The following CDK15 variants were observed in gnomAD, a reference collection of about 807,000 sequenced individuals.
The protein encoded by CDK15 is cyclin dependent kinase 15.
Under a neutral mutation model 60.3 loss-of-function variants are expected in CDK15, and 62 were observed. The ratio of observed to expected loss-of-function variants is 1.03; its 90% CI spans 0.84 to 1.27. The LOEUF (loss-of-function observed/expected upper bound fraction) is 1.27. Ranked by LOEUF, CDK15 falls within the 50% of genes most tolerant of loss-of-function variation. The pLI, the probability that CDK15 is intolerant of heterozygous loss-of-function variation, is 0.00. For synonymous variants in CDK15, 194 were observed against 195.7 expected, an observed-to-expected ratio of 0.99 and a Z score of 0.07; for missense variants, 541 against 527.8, an observed-to-expected ratio of 1.03 and a Z score of -0.25.
At chr2:201,877,333 G>A (rs1699114216) in intron 11 of CDK15, among the ~76,000 whole-genome samples, 1 of 152,174 alleles carries the variant, frequency 6.6e-6, no homozygotes, top group Non-Finnish European at 1.5e-5. Context: ...TAATGCTGGG[G>A]GAGTATTCGA....
At chr2:201,861,445 G>T (rs1698386841) in intron 10 of CDK15, 3 of 984,646 alleles carry the variant, frequency 3.0e-6, no homozygotes, top group Admixed American at 6.2e-5. Context: ...GTCTCATTTT[G>T]CAGGATGAGT....
At chr2:201,813,181 G>A (rs1455168420) in intron 4 of CDK15, among the ~76,000 whole-genome samples, 2 of 152,140 alleles carry the variant, frequency 1.3e-5, no homozygotes, top group East Asian at 3.8e-4. Context: ...GAGTTGTTAT[G>A]AGTATTCAAC....
At chr2:201,818,016 A>G (rs774470851) in intron 4 of CDK15, among the ~76,000 whole-genome samples, 24 of 152,250 alleles carry the variant, frequency 1.6e-4, no homozygotes, top group Non-Finnish European at 2.4e-4. Flanking sequence ...AACAGGGTCT[A>G]GAAACACTTT....
intron 11 of CDK15, 111 bp downstream of exon 11, chr2:201,872,437 G>A: frequency 1.7e-6 from 2 of 1,151,058 alleles, no homozygotes; most frequent in Non-Finnish European, 2.6e-6. Context: ...TTCCATGTGG[G>A]GGCTCTAAGC....
intron 1 of CDK15, among the ~76,000 whole-genome samples, chr2:201,807,281 A>T (rs1161685505): frequency 6.6e-6 from 1 of 152,168 alleles, no homozygotes; most frequent in Non-Finnish European, 1.5e-5. Context: ...TTAAAGACAC[A>T]TTTTTAGGTG....
intron 8 of CDK15, among the ~76,000 whole-genome samples, chr2:201,844,370 T>C (rs1351621179): frequency 6.6e-6 from 1 of 152,198 alleles, no homozygotes; most frequent in African/African-American, 2.4e-5. Flanking sequence ...GGCTTATCTC[T>C]TAGTGGACCA....
chr2:201,816,706 A>G (rs1205546359), intron 4 of CDK15, among the ~76,000 whole-genome samples: 3 of 151,972 alleles, frequency 2.0e-5, no homozygotes, highest in African/African-American at 7.3e-5. Context: ...TTTTTGAGGC[A>G]GGAGATGGGA....
intron 9 of CDK15, among the ~76,000 whole-genome samples, chr2:201,851,378 G>A (rs1294083629): frequency 6.6e-6 from 1 of 151,456 alleles, no homozygotes; most frequent in African/African-American, 2.4e-5. Flanking sequence ...AGGCACTGTA[G>A]GCTGTTGTCC....
intron 3 of CDK15, among the ~76,000 whole-genome samples, chr2:201,811,150 T>C (rs1295555760): frequency 1.5e-5 from 1 of 68,738 alleles, no homozygotes; most frequent in Non-Finnish European, 3.1e-5. Context: ...GCTGAGGGTA[T>C]GCACTTTTTT....
intron 4 of CDK15, among the ~76,000 whole-genome samples, chr2:201,815,423 G>A (rs1695947994): frequency 6.6e-6 from 1 of 152,102 alleles, no homozygotes; most frequent in East Asian, 1.9e-4. Flanking sequence ...CTGCCGAACT[G>A]CTAGATACAC....
At chr2:201,872,417 C>A in intron 11 of CDK15, 91 bp downstream of exon 11, 1 of 1,370,574 alleles carries the variant, frequency 7.3e-7, no homozygotes, top group Non-Finnish European at 1.0e-6. Flanking sequence ...GAACAGCAGC[C>A]CCCGAGCACT....
At chr2:201,867,387 G>T (rs1698674999) in intron 10 of CDK15, among the ~76,000 whole-genome samples, 1 of 152,148 alleles carries the variant, frequency 6.6e-6, no homozygotes, top group Non-Finnish European at 1.5e-5. Flanking sequence ...CACTTTGGGA[G>T]GCTGGGGCTG....
intron 6 of CDK15, among the ~76,000 whole-genome samples, chr2:201,828,782 C>T (rs1265346972): frequency 6.6e-6 from 1 of 152,162 alleles, no homozygotes; most frequent in East Asian, 1.9e-4. Context: ...TCCAGAAGGT[C>T]TCTGTACCCT....
Position 201,880,111 on chromosome 2 carries a change from C to A in CDK15, c.1142C>A (p.Ala381Glu), listed in dbSNP as rs1372429754. 6.2e-7 allele frequency: 1 copy of A among 1,613,968 alleles called. No homozygotes were observed. Among genetic ancestry groups the A allele is most frequent in the South Asian group, 1.1e-5 (1 of 91,078 alleles). The part of the protein sequence containing the change: ...FPRDRVSAQE[A>E]LVHDYFSALP... ...AGAGACCGCGTCTCCGCCCAGGAAG[C>A]ACTTGTTCATGATTATTTCAGCGCC... Residue 381 changes from alanine (A) to glutamate (E), a missense_variant, in exon 12 of 14, where the codon GCA (alanine) becomes GAA (glutamate). By Grantham distance (107) the Ala-to-Glu change is moderately radical. Transcript: ENST00000652192.
chr2:201,890,730 C>T (rs1170561113), intron 12 of CDK15, 55 bp from the exon 13 acceptor site: 2 of 1,381,918 alleles, frequency 1.4e-6, no homozygotes, highest in Non-Finnish European at 2.0e-6. Flanking sequence ...AAAAATATAC[C>T]ACAGAAGATC....
At chr2:201,816,508 T>A (rs961835771) in intron 4 of CDK15, among the ~76,000 whole-genome samples, 4 of 137,984 alleles carry the variant, frequency 2.9e-5, no homozygotes, top group African/African-American at 1.1e-4. Context: ...ATGGTGCCAG[T>A]GTACAAATTT....
intron 8 of CDK15, among the ~76,000 whole-genome samples, chr2:201,837,994 C>G (rs1697201606): frequency 6.6e-6 from 1 of 152,108 alleles, no homozygotes; most frequent in Non-Finnish European, 1.5e-5. Context: ...ACTGTCAGCT[C>G]ACACCGCTCA....
At chr2:201,877,407 A>G (rs1001455467) in intron 11 of CDK15, among the ~76,000 whole-genome samples, 1 of 152,004 alleles carries the variant, frequency 6.6e-6, no homozygotes, top group Non-Finnish European at 1.5e-5. Flanking sequence ...ATTGCTCCCC[A>G]CCACCTACCC....
chr2:201,855,265 CT>C (rs1367260246), intron 10 of CDK15, among the ~76,000 whole-genome samples: 2 of 152,198 alleles, frequency 1.3e-5, no homozygotes, highest in Non-Finnish European at 2.9e-5. Flanking sequence ...TTTGGGCCCC[CT>C]GACTGTCATA....
Sources: allele counts gnomAD v4.1 joint callset (sites outside exome capture counted in the v4.1 genomes callset), GRCh38; gene constraint gnomAD v4.1.1; transcripts MANE v1.5; gene names NCBI Gene and HGNC (gene_info 2026-07-23, HGNC 2026-07-21).